Variants in SLC7A7 observed in about 807,000 individuals in gnomAD.
The protein encoded by SLC7A7 is Y+L amino acid transporter 1.
SLC7A7 carries 39 observed loss-of-function variants against 47.9 expected under a neutral mutation model. The ratio of observed to expected loss-of-function variants is 0.81; its 90% confidence interval spans 0.63 to 1.06. The LOEUF is 1.06. SLC7A7 is among the 50% of genes least tolerant of loss of function. The pLI, the probability that SLC7A7 is intolerant of heterozygous loss-of-function variation, is 0.00. For missense variants in SLC7A7, 588 were observed against 632.0 expected (o/e 0.93, Z 0.75); for synonymous variants, 234 against 242.8 (o/e 0.96, Z 0.34).
At chr14:22,802,340 T>C (rs922933610) in intron 2 of SLC7A7, among the ~76,000 whole-genome samples, 1 of 151,394 alleles carries the variant, frequency 6.6e-6, no homozygotes, top group African/African-American at 2.4e-5. Context: ...GAGGCAGAGG[T>C]TGCAGTGAGC....
intron 2 of SLC7A7, among the ~76,000 whole-genome samples, chr14:22,799,436 ATTTTTTTCTTTCTTTTTTTTT>A (rs2039072360): frequency 1.2e-5 from 1 of 82,542 alleles, no homozygotes; most frequent in African/African-American, 4.5e-5. Context: ...TTTTCTTTTT[ATTTTTTTCTTTCTTTTTTTTT>A]TTTTTTTTTT....
chr14:22,774,626 G>T (rs2139385126), intron 7 of SLC7A7, 123 bp from the exon 8 acceptor site: 1 of 1,301,384 alleles, frequency 7.7e-7, no homozygotes. Context: ...TCCTCTTCTG[G>T]TTTTAATCCC....
intron 2 of SLC7A7, among the ~76,000 whole-genome samples, chr14:22,793,762 G>GCACTCCAGCCTGGGTGGAGTGCA (rs2038966193): frequency 6.6e-6 from 1 of 151,878 alleles, no homozygotes; most frequent in South Asian, 2.1e-4. Flanking sequence ...GTGGCAGTGA[G>GCACTCCAGCCTGGGTGGAGTGCA]CCAATATCAC....
In SLC7A7 at chr14:22,813,174, G is replaced by C; in HGVS notation, c.225C>G (p.Ile75Met). 6.2e-7 allele frequency: 1 copy of C among 1,614,210 alleles called. No individual in the cohort carries two copies. Among genetic ancestry groups the C allele is most frequent in the Non-Finnish European group, 8.5e-7 (1 of 1,180,034 alleles). ...YSASFGLSLV[I>M]WAVGGLFSVF... ...CGGAGAAGAGGCCCCCGACAGCCCAGATGACCAGAGAGAGACCAAAGGAGG... is the reference window on the plus strand; with the variant it reads ...CGGAGAAGAGGCCCCCGACAGCCCACATGACCAGAGAGAGACCAAAGGAGG... Residue 75 changes from isoleucine to methionine, a missense_variant, in exon 2 of 10, where the codon ATC becomes ATG. Physicochemically the swap from Ile to Met is conservative, Grantham distance 10 (BLOSUM62 1). Coordinates refer to ENST00000674313, the MANE Select transcript of SLC7A7 (RefSeq NM_003982.4).
At chr14:22,792,421 G>T (rs892247175) in intron 2 of SLC7A7, among the ~76,000 whole-genome samples, 1 of 152,038 alleles carries the variant, frequency 6.6e-6, no homozygotes, top group Non-Finnish European at 1.5e-5. Flanking sequence ...AAATTAGCTG[G>T]ACTTGGTGGT....
At chr14:22,805,576 A>T (rs377597362) in intron 2 of SLC7A7, among the ~76,000 whole-genome samples, 6 of 152,262 alleles carry the variant, frequency 3.9e-5, no homozygotes, top group African/African-American at 9.6e-5. Context: ...GAACACATAG[A>T]CAAATGCGGG....
Position 22,788,619 on chromosome 14 carries a change from G to A in SLC7A7, c.500-8568C>T, listed in dbSNP as rs532988363. 4.0e-5 allele frequency among the ~76,000 whole-genome samples: 6 copies of A among 151,102 alleles called. No homozygotes were observed. The East Asian group carries it at 5.8e-4, about 15-fold the overall frequency. On this transcript the variant is annotated intron_variant, in intron 2 of 9. Transcript: ENST00000674313. ...CTCAGGAGGCTGAGGCAGGAGAATC[G>A]CTTGAACCCGGGAGGTGGAGGTTGC...
At chr14:22,819,560 AT>A (rs1246373392), upstream of SLC7A7, 2 of 152,194 alleles carry the variant, frequency 1.3e-5, no homozygotes, top group Non-Finnish European at 2.9e-5. Flanking sequence ...TTGGGTCTCC[AT>A]TCAGCCAATT....
intron 1 of SLC7A7, among the ~76,000 whole-genome samples, chr14:22,814,419 G>A (rs1186233957): frequency 6.6e-6 from 1 of 151,920 alleles, no homozygotes; most frequent in Non-Finnish European, 1.5e-5. Context: ...GGGAGGCAGA[G>A]GTTGCGGTAA....
At chr14:22,791,587 T>A (rs1233854227) in intron 2 of SLC7A7, among the ~76,000 whole-genome samples, 2 of 152,254 alleles carry the variant, frequency 1.3e-5, no homozygotes. Context: ...GGTCTGTGTA[T>A]AGTCAGATGC....
At position 22,774,452 on chromosome 14, in the gene SLC7A7, T is replaced by C. The variant is rs1334404451; in HGVS notation, c.1147A>G (p.Asn383Asp). 3 of 1,613,992 alleles carry C rather than the reference T, an allele frequency of 1.9e-6. No individual in the cohort carries two copies. Among genetic ancestry groups the C allele is most frequent in the African/African-American group, 1.3e-5 (1 of 74,888 alleles). ...AACCAGTAGCTGAAGCTGTAGTAGT[T>C]AATGAGCTGGAAGATGTCTTCCACG... is the stretch of plus-strand genomic sequence containing the variant. ...LCVEDIFQLI[N>D]YYSFSYWFFV... Residue 383 changes from asparagine to aspartate, a missense_variant, in exon 8 of 10, where the codon AAC (asparagine) becomes GAC (aspartate). Asn to Asp is a conservative substitution (Grantham distance 23). Transcript: ENST00000674313.
intron 2 of SLC7A7, among the ~76,000 whole-genome samples, chr14:22,786,234 C>A (rs1445778250): frequency 6.6e-6 from 1 of 151,966 alleles, no homozygotes; most frequent in African/African-American, 2.4e-5. Context: ...AGGGGAATTG[C>A]TTGAACCCGG....
At chr14:22,815,068 C>G in intron 1 of SLC7A7, 1 of 331,140 alleles carries the variant, frequency 3.0e-6, no homozygotes, top group Non-Finnish European at 6.0e-6. Context: ...ATGGCCACTC[C>G]CTACCCCAGA....
intron 8 of SLC7A7, 25 bp from the exon 9 acceptor site, chr14:22,774,141 G>C (rs751255932): frequency 1.2e-6 from 2 of 1,613,634 alleles, no homozygotes; most frequent in Admixed American, 1.7e-5. Context: ...AACATAACTG[G>C]AGTGGACAAC....
At chr14:22,780,307 T>G in intron 2 of SLC7A7, 1 of 453,970 alleles carries the variant, frequency 2.2e-6, no homozygotes. Context: ...TCTGCTTACA[T>G]AAAAAATACA....
chr14:22,776,701 C>T (rs2038615260), intron 4 of SLC7A7, among the ~76,000 whole-genome samples: 1 of 152,070 alleles, frequency 6.6e-6, no homozygotes, highest in South Asian at 2.1e-4. Flanking sequence ...GGCGTGGTGG[C>T]TCACGCCTGT....
At chr14:22,795,320 C>T (rs1363327676) in intron 2 of SLC7A7, among the ~76,000 whole-genome samples, 1 of 150,730 alleles carries the variant, frequency 6.6e-6, no homozygotes, top group Non-Finnish European at 1.5e-5. Flanking sequence ...CCTCCTACCT[C>T]AGTCTCCCAA....
intron 2 of SLC7A7, among the ~76,000 whole-genome samples, chr14:22,788,592 T>C (rs1465344454): frequency 6.6e-6 from 1 of 151,240 alleles, no homozygotes; most frequent in Non-Finnish European, 1.5e-5. Flanking sequence ...TCATCCCAGC[T>C]ACTCAGGAGG....
Position 22,778,777 on chromosome 14 carries a change from G to A in SLC7A7, c.770+16C>T, listed in dbSNP as rs2038662095. 1.9e-6 allele frequency: 3 copies of A among 1,611,494 alleles called. No individual in the cohort carries two copies. The highest frequency in any genetic ancestry group is 2.2e-5 in the South Asian group (2 of 91,030). On this transcript the variant is annotated intron_variant, in intron 4 of 9. Transcript: ENST00000674313. ...TGGCTATCACTGCTATGGAAAGTTG[G>A]TGGTGCAGTACCTACCTCTCAGGAT...
Sources: gnomAD v4.1 joint callset for allele counts (sites outside exome capture counted in the v4.1 genomes callset) on GRCh38, gnomAD v4.1.1 for gene constraint, MANE v1.5 for transcripts, NCBI Gene and HGNC (gene_info 2026-07-23, HGNC 2026-07-21) for gene names.